The following MEX3D variants were observed in gnomAD, a reference collection of about 807,000 sequenced individuals.
MEX3D encodes mex-3 RNA binding family member D, also known as RNA-binding protein MEX3D.
In MEX3D, 4 loss-of-function variants were observed where a neutral mutation model predicts 6.3. The observed-to-expected ratio is 0.64, with a 90% CI of 0.31 to 1.46. MEX3D has a LOEUF of 1.46. MEX3D is among the 40% of genes most tolerant of loss of function. The pLI is 0.07. For missense variants in MEX3D, 1,038 were observed against 994.4 expected, an observed-to-expected ratio of 1.04 and a Z score of -0.59; for synonymous variants, 626 against 494.1, an observed-to-expected ratio of 1.27 and a Z score of -3.54.
chr19:1,566,297 G>T (rs563804698), intron 1 of MEX3D, among the ~76,000 whole-genome samples: 4 of 152,302 alleles, frequency 2.6e-5, no homozygotes, highest in African/African-American at 7.2e-5. Flanking sequence ...CTGGACAAAT[G>T]AACGACCAAA....
At position 1,556,625 on chromosome 19, in the gene MEX3D, G is replaced by A; in HGVS notation, c.894C>T (p.Arg298=). ...TGTAGGTGTGCGTCCGCTGCTGGAT[G>A]CGCTTGATGGTGGCGCCCTTGGGCC... ...VVGPKGATIK[R]IQQRTHTYIV... is the part of the protein sequence containing the mutation. Residue 298 remains arginine (R), a synonymous_variant, in exon 2 of 2, where the codon CGC becomes CGT. Coordinates refer to ENST00000402693, the MANE Select transcript of MEX3D (RefSeq NM_203304.4). This position sits in a 1 kb window ranked among gnomAD's most constrained non-coding sequence, Gnocchi z 7.5. The A allele has an allele frequency of 6.2e-7, 1 of 1,610,512 alleles. No individual in the cohort carries two copies. Among genetic ancestry groups the A allele is most frequent in the Non-Finnish European group, 8.5e-7 (1 of 1,179,204 alleles).
Position 1,556,956 on chromosome 19 carries a change from C to T in MEX3D, c.596-33G>A. The stretch of plus-strand genomic sequence containing the variant: ...GGAGGGAGGGGAAGGACAAGGTGAC[C>T]CAGAGCCCCCTGCGCAGCTCAGCCC... On this transcript the variant is annotated intron_variant, in intron 1 of 1. Transcript: ENST00000402693. The surrounding 1 kb of genome is among the most constrained non-coding windows in gnomAD (Gnocchi z 7.5). 9 of 1,563,598 alleles carry T rather than the reference C, an allele frequency of 5.8e-6. No homozygotes were observed. Among genetic ancestry groups the T allele is most frequent in the Non-Finnish European group, 7.8e-6 (9 of 1,160,174 alleles).
In MEX3D at chr19:1,567,991, G is replaced by A. The variant is rs956339016; in HGVS notation, c.68C>T (p.Ala23Val). Residue 23 changes from alanine (A) to valine (V), a missense_variant, in exon 1 of 2, where the codon GCG becomes GTG. Physicochemically the swap from Ala to Val is moderately conservative, Grantham distance 64 (BLOSUM62 0). This residue lies in a region of MEX3D where 265 missense variants were observed against 206.3 expected (regional missense o/e 1.28). Coordinates refer to ENST00000402693, the MANE Select transcript of MEX3D (RefSeq NM_203304.4). This position sits in a 1 kb window ranked among gnomAD's most constrained non-coding sequence, Gnocchi z 6.5. ...GGGGGGGGVG[A>V]AGEDPGPGPA... ...TCCGGGTCCGGGGTCCTCCCCCGCC[G>A]CCCCCACGCCGCCGCCGCCGCCGCC... 7 of 976,484 alleles carry A rather than the reference G, an allele frequency of 7.2e-6. No homozygotes were observed. The highest frequency in any genetic ancestry group is 8.5e-6 in the Non-Finnish European group (7 of 826,514). The allele number at this position is 976,484 out of a possible 1,614,324, so 60.5% of individuals were successfully genotyped here. A position where few individuals can be genotyped will look rare whatever the true frequency, so the allele number is the denominator to read the frequency against.
chr19:1,555,397 G>C lies in MEX3D; in HGVS notation c.*166C>G. The C allele has an allele frequency of 1.2e-6, 2 of 1,600,804 alleles. No homozygotes were observed. The highest frequency in any genetic ancestry group is 1.7e-6 in the Non-Finnish European group (2 of 1,173,602). On this transcript the variant is annotated 3_prime_UTR_variant, in exon 2 of 2. Coordinates refer to ENST00000402693, the MANE Select transcript of MEX3D (RefSeq NM_203304.4). ...GGGTCTCCGTCTCCACGCCTGAGGC[G>C]GCAGTTAAAGCTCATCTGTAAACAC...
At chr19:1,559,830 G>A (rs1443380624) in intron 1 of MEX3D, among the ~76,000 whole-genome samples, 1 of 152,140 alleles carries the variant, frequency 6.6e-6, no homozygotes, top group Non-Finnish European at 1.5e-5. Flanking sequence ...CCTGGGAGGG[G>A]TGGCGGGGGT....
In MEX3D at chr19:1,568,097, G is replaced by GCGCCGCCGC. The variant is rs931992103; in HGVS notation, c.-48_-40dup. 1 of 976,548 alleles carries GCGCCGCCGC rather than the reference G, an allele frequency of 1.0e-6. No individual in the cohort carries two copies. The highest frequency in any genetic ancestry group is 4.6e-5 in the South Asian group (1 of 21,742). 60.5% of individuals were successfully genotyped at this position (976,548 alleles called of 1,614,324 possible). A position where few individuals can be genotyped will look rare whatever the true frequency, so the allele number is the denominator to read the frequency against. On this transcript the variant is annotated 5_prime_UTR_variant, in exon 1 of 2. Coordinates refer to ENST00000402693, the MANE Select transcript of MEX3D (RefSeq NM_203304.4). ...GCTGGGGCCCGCGCTCCTGCCGCCC[G>GCGCCGCCGC]CGCCGCCGCCGCCGCCCGCGCCGCC...
In MEX3D at chr19:1,555,043, G is replaced by A. The variant is rs62128524; in HGVS notation, c.*520C>T. ...TCGCCCCCGCCCCCCTGCCCCCTCCGGCCGCGCACGGTTGATGTACAAAAG... is the reference window on the plus strand; with the variant it reads ...TCGCCCCCGCCCCCCTGCCCCCTCCAGCCGCGCACGGTTGATGTACAAAAG... On this transcript the variant is annotated 3_prime_UTR_variant, in exon 2 of 2. Transcript: ENST00000402693. 1,304 of 10,056 alleles carry A rather than the reference G, an allele frequency of 0.13. 16 individuals carry two copies. The highest frequency in any genetic ancestry group is 0.39 in the Middle Eastern group (18 of 46). The allele number at this position is 10,056 out of a possible 1,614,324, so 0.6% of individuals were successfully genotyped here.
chr19:1,561,227 T>C (rs1036321032), intron 1 of MEX3D, among the ~76,000 whole-genome samples: 1 of 152,098 alleles, frequency 6.6e-6, no homozygotes, highest in East Asian at 1.9e-4. Flanking sequence ...GACTTACCAA[T>C]GAAACCACAA....
rs1283341950 is a variant in MEX3D at position 1,555,824 on chromosome 19, G to A, written c.1695C>T (p.Pro565=). The A allele has an allele frequency of 2.9e-6, 4 of 1,358,132 alleles. No homozygotes were observed. Among genetic ancestry groups the A allele is most frequent in the African/African-American group, 1.6e-5 (1 of 64,446 alleles). The allele number at this position is 1,358,132 out of a possible 1,614,324, so 84.1% of individuals were successfully genotyped here. The change falls in exon 2 of 2, where the codon CCC becomes CCT. Residue 565 remains proline (P), a synonymous_variant. Transcript: ENST00000402693. ...GAAFSTATSL[P]SSPAAAACAP... Reference sequence around the variant, plus strand: ...CGCAGGCGGCGGCCGCGGGGCTGCTGGGCAGCGAGGTGGCCGTGGAGAAGG... The same window carrying A: ...CGCAGGCGGCGGCCGCGGGGCTGCTAGGCAGCGAGGTGGCCGTGGAGAAGG...
intron 1 of MEX3D, among the ~76,000 whole-genome samples, chr19:1,564,634 G>A (rs2145576601): frequency 6.6e-6 from 1 of 152,024 alleles, no homozygotes; most frequent in South Asian, 2.1e-4. Flanking sequence ...TGCCCAGAAA[G>A]CACTCGGACC....
In MEX3D at chr19:1,555,590, G is replaced by T; in HGVS notation, c.1929C>A (p.Ala643=). 6.3e-7 allele frequency: 1 copy of T among 1,589,978 alleles called. No homozygotes were observed. ...EPECPACRTP[A]TQAIHIFS is the part of the protein sequence containing the mutation. ...AGGAAAAGATATGAATGGCCTGGGT[G>T]GCCGGCGTGCGGCAGGCGGGACACT... Residue 643 remains alanine, a synonymous_variant, in exon 2 of 2, where the codon GCC becomes GCA. Transcript: ENST00000402693.
rs1166962241 is a variant in MEX3D at position 1,556,564 on chromosome 19, C to T, written c.955G>A (p.Ala319Thr). 6 of 1,608,572 alleles carry T rather than the reference C, an allele frequency of 3.7e-6. No homozygotes were observed. The highest frequency in any genetic ancestry group is 1.1e-5 in the South Asian group (1 of 90,952). ...ACGTTCTCGGGCATCCCAGTGACCG[C>T]GAACACCGGCTCCTTGTCGCGCCCG... ...TPGRDKEPVF[A>T]VTGMPENVDR... Residue 319 changes from alanine (A) to threonine (T), a missense_variant, in exon 2 of 2, where the codon GCG becomes ACG. Transcript: ENST00000402693. The surrounding 1 kb of genome is among the most constrained non-coding windows in gnomAD (Gnocchi z 7.5).
Position 1,568,114 on chromosome 19 carries a change from C to T in MEX3D, c.-56G>A. 1.3e-5 allele frequency: 13 copies of T among 978,454 alleles called. No homozygotes were observed. The highest frequency in any genetic ancestry group is 1.6e-5 in the Non-Finnish European group (13 of 827,604). The allele number at this position is 978,454 out of a possible 1,614,324, so 60.6% of individuals were successfully genotyped here. On this transcript the variant is annotated 5_prime_UTR_variant, in exon 1 of 2. Coordinates refer to ENST00000402693, the MANE Select transcript of MEX3D (RefSeq NM_203304.4). The stretch of plus-strand genomic sequence containing the variant: ...TGCCGCCCGCGCCGCCGCCGCCGCC[C>T]GCGCCGCCCTCCGCCTCTGCGAGCT...
intron 1 of MEX3D, among the ~76,000 whole-genome samples, chr19:1,560,689 C>T (rs536103781): frequency 6.4e-4 from 98 of 152,278 alleles, no homozygotes; most frequent in African/African-American, 2.3e-3. Context: ...AGGGAACTGG[C>T]GCCTCCCCCT....
chr19:1,565,129 C>T (rs563105779), intron 1 of MEX3D, among the ~76,000 whole-genome samples: 1 of 152,260 alleles, frequency 6.6e-6, no homozygotes, highest in East Asian at 1.9e-4. Flanking sequence ...GTGGCTCACA[C>T]CTGTAGGAAC....
In MEX3D at chr19:1,555,496, C is replaced by T; in HGVS notation, c.*67G>A. ...TCCCCGTCCCTCTCCCACCCCGGGT[C>T]CCGCCCCGTCTCCCGCGCCCACCCC... is the stretch of plus-strand genomic sequence containing the variant. On this transcript the variant is annotated 3_prime_UTR_variant, in exon 2 of 2. Transcript: ENST00000402693. 4.9e-6 allele frequency: 7 copies of T among 1,416,958 alleles called. No individual in the cohort carries two copies. The highest frequency in any genetic ancestry group is 1.5e-5 in the African/African-American group (1 of 68,220). 87.8% of individuals were successfully genotyped at this position (1,416,958 alleles called of 1,614,324 possible).
In MEX3D at chr19:1,556,787, G is replaced by A. The variant is rs772478254; in HGVS notation, c.732C>T (p.Ala244=). Reference sequence around the variant, plus strand: ...TGGCGCGGATGATGGAGAAGTGTTCGGCCGCCGACAGGATCTCACGCTTGG... The same window carrying A: ...TGGCGCGGATGATGGAGAAGTGTTCAGCCGCCGACAGGATCTCACGCTTGG... ...EMAKREILSA[A]EHFSIIRATR... The change falls in exon 2 of 2, where the codon GCC becomes GCT. Residue 244 remains alanine, a synonymous_variant. Transcript: ENST00000402693. The surrounding 1 kb of genome is among the most constrained non-coding windows in gnomAD (Gnocchi z 7.5). 4.3e-6 allele frequency: 7 copies of A among 1,612,594 alleles called. No individual in the cohort carries two copies. The highest frequency in any genetic ancestry group is 1.6e-4 in the Middle Eastern group (1 of 6,062).
Position 1,567,396 on chromosome 19 carries a change from G to T in MEX3D, c.595+68C>A, listed in dbSNP as rs1914869145. 3 of 1,464,688 alleles carry T rather than the reference G, an allele frequency of 2.0e-6. No homozygotes were observed. In the African/African-American group the frequency reaches 4.4e-5, roughly 21 times the overall value. 90.7% of individuals were successfully genotyped at this position (1,464,688 alleles called of 1,614,324 possible). On this transcript the variant is annotated intron_variant, in intron 1 of 1. Coordinates refer to ENST00000402693, the MANE Select transcript of MEX3D (RefSeq NM_203304.4). The surrounding 1 kb of genome is among the most constrained non-coding windows in gnomAD (Gnocchi z 6.5). Reference sequence around the variant, plus strand: ...GGCGCGGGCTGGGCTGGGCTCGGGCGACCCCCTTCCCCGGGGCGGACGGTG... The same window carrying T: ...GGCGCGGGCTGGGCTGGGCTCGGGCTACCCCCTTCCCCGGGGCGGACGGTG...
intron 1 of MEX3D, among the ~76,000 whole-genome samples, chr19:1,561,062 G>A (rs779849455): frequency 2.6e-5 from 4 of 152,300 alleles, no homozygotes; most frequent in East Asian, 3.9e-4. Flanking sequence ...CCTGGGAATC[G>A]GGGTGACCAC....
Sources: allele counts gnomAD v4.1 joint callset (sites outside exome capture counted in the v4.1 genomes callset), GRCh38; gene constraint gnomAD v4.1.1; regional missense constraint gnomAD v4.1.1; non-coding constraint Gnocchi (gnomAD v3.1); transcripts MANE v1.5; gene names NCBI Gene and HGNC (gene_info 2026-07-23, HGNC 2026-07-21).